Variants in PIK3C2G observed in about 807,000 individuals in gnomAD.
The protein encoded by PIK3C2G is phosphatidylinositol-4-phosphate 3-kinase catalytic subunit type 2 gamma, also known as phosphatidylinositol 3-kinase C2 domain-containing subunit gamma.
PIK3C2G carries 168 observed loss-of-function variants against 181.1 expected under a neutral mutation model. The ratio of observed to expected loss-of-function variants is 0.93; its 90% CI spans 0.82 to 1.05. The LOEUF (loss-of-function observed/expected upper bound fraction) is 1.05. PIK3C2G is among the 50% of genes least tolerant of loss of function. The probability of loss-of-function intolerance (pLI) is 0.00; values close to 1 mark genes in which losing one functional copy is unlikely to be tolerated. For missense variants in PIK3C2G, 1,869 were observed against 1,732.8 expected, an observed-to-expected ratio of 1.08 and a Z score of -1.40; for synonymous variants, 573 against 592.2, an observed-to-expected ratio of 0.97 and a Z score of 0.47.
intron 26 of PIK3C2G, among the ~76,000 whole-genome samples, chr12:18,548,772 T>A (rs531354124): frequency 6.6e-6 from 1 of 152,182 alleles, no homozygotes; most frequent in Admixed American, 6.5e-5. Flanking sequence ...TTAAAAGGCA[T>A]CAAATTATGG....
At chr12:18,271,246 G>C (rs185629141) in intron 1 of PIK3C2G, among the ~76,000 whole-genome samples, 2 of 152,060 alleles carry the variant, frequency 1.3e-5, no homozygotes, top group Admixed American at 6.6e-5. Flanking sequence ...GACCTCCTCT[G>C]ACCTTGTTCC....
intron 1 of PIK3C2G, among the ~76,000 whole-genome samples, chr12:18,269,110 C>T (rs767290504): frequency 1.1e-4 from 16 of 151,858 alleles, no homozygotes; most frequent in Non-Finnish European, 2.2e-4. Context: ...GGGATTTTGT[C>T]GTGTTGGCCA....
At chr12:18,272,624 T>G (rs61914501) in intron 1 of PIK3C2G, among the ~76,000 whole-genome samples, 11,094 of 152,260 alleles carry the variant, frequency 0.073, 493 homozygotes, top group Non-Finnish European at 0.11. Flanking sequence ...TTGTACACTT[T>G]ATTAACCCTG....
At chr12:18,255,322 T>C (rs1442788195) in intron 1 of PIK3C2G, among the ~76,000 whole-genome samples, 6 of 152,192 alleles carry the variant, frequency 3.9e-5, no homozygotes, top group Admixed American at 3.9e-4. Flanking sequence ...TTCTATTTTC[T>C]ATAAGTAACT....
chr12:18,423,878 G>A, intron 17 of PIK3C2G, 67 bp from the exon 18 acceptor site: 1 of 909,080 alleles, frequency 1.1e-6, no homozygotes, highest in Non-Finnish European at 1.8e-6. Flanking sequence ...TCAAGCCTCT[G>A]AAGTCCCTCT....
At chr12:18,405,373 G>C (rs1313053142) in intron 16 of PIK3C2G, among the ~76,000 whole-genome samples, 1 of 151,310 alleles carries the variant, frequency 6.6e-6, no homozygotes, top group East Asian at 2.0e-4. Flanking sequence ...GCCAGAGATG[G>C]AACTCTGGAG....
chr12:18,706,282 C>T, the PIK3C2G span, among the ~76,000 whole-genome samples: 1 of 151,304 alleles, frequency 6.6e-6, no homozygotes, highest in East Asian at 1.9e-4. Flanking sequence ...ATCTATACTG[C>T]TATAGAAAGT....
chr12:18,427,244 G>A (rs1200619654), intron 18 of PIK3C2G, among the ~76,000 whole-genome samples: 1 of 151,578 alleles, frequency 6.6e-6, no homozygotes, highest in Non-Finnish European at 1.5e-5. Context: ...GGTGGCTCAC[G>A]TCTGTAATCC....
chr12:18,403,146 G>A (rs908364832), intron 16 of PIK3C2G, among the ~76,000 whole-genome samples: 3 of 152,200 alleles, frequency 2.0e-5, no homozygotes, highest in Middle Eastern at 3.4e-3. Context: ...AGCACTTAGC[G>A]ATCTCGGTCA....
intron 1 of PIK3C2G, among the ~76,000 whole-genome samples, chr12:18,264,402 T>G (rs539206476): frequency 6.6e-6 from 1 of 152,320 alleles, no homozygotes; most frequent in South Asian, 2.1e-4. Context: ...TGGGATAATT[T>G]TCCTTCTACT....
At chr12:18,558,321 A>G (rs553315006) in intron 26 of PIK3C2G, among the ~76,000 whole-genome samples, 10 of 152,212 alleles carry the variant, frequency 6.6e-5, no homozygotes, top group Non-Finnish European at 1.3e-4. Flanking sequence ...CCATATAGCC[A>G]TTTAAAAATA....
chr12:18,268,455 T>C (rs888351432), intron 1 of PIK3C2G, among the ~76,000 whole-genome samples: 1 of 152,050 alleles, frequency 6.6e-6, no homozygotes, highest in Non-Finnish European at 1.5e-5. Context: ...GAAACCACAG[T>C]CTATTTGACC....
At chr12:18,532,469 T>C (rs1284136972) in intron 24 of PIK3C2G, among the ~76,000 whole-genome samples, 2 of 152,332 alleles carry the variant, frequency 1.3e-5, no homozygotes, top group Non-Finnish European at 2.9e-5. Context: ...TATTTAAGTC[T>C]GTGAACCATT....
At chr12:18,587,833 G>A (rs1946872200) in intron 29 of PIK3C2G, among the ~76,000 whole-genome samples, 1 of 151,670 alleles carries the variant, frequency 6.6e-6, no homozygotes, top group African/African-American at 2.4e-5. Flanking sequence ...GAGGCATCAT[G>A]TTACCCAACT....
At chr12:18,610,005 T>C (rs969346202) in intron 31 of PIK3C2G, among the ~76,000 whole-genome samples, 13 of 152,106 alleles carry the variant, frequency 8.5e-5, no homozygotes, top group African/African-American at 3.1e-4. Flanking sequence ...ACCCCATCTT[T>C]GTTTCCGTTT....
At position 18,538,303 on chromosome 12, in the gene PIK3C2G, G is replaced by T. The variant is rs1413167449; in HGVS notation, c.3471G>T (p.Leu1157=). The T allele has an allele frequency of 6.3e-7, 1 of 1,598,978 alleles. No homozygotes were observed. The highest frequency in any genetic ancestry group is 8.5e-7 in the Non-Finnish European group (1 of 1,174,696). The stretch of plus-strand genomic sequence containing the variant: ...AGCACAGCCAACTGCTCTTGAACCT[G>T]CTGGAAATGGTAAGTCCCTTGGGAA... ...IRKHSQLLLN[L]LEMMLYAGLP... is the part of the protein sequence containing the mutation. The change falls in exon 25 of 33, where the codon CTG becomes CTT. Residue 1157 remains leucine (L), a synonymous_variant. Transcript: ENST00000538779.
the PIK3C2G span, among the ~76,000 whole-genome samples, chr12:18,663,713 A>G: frequency 1.3e-5 from 2 of 152,156 alleles, no homozygotes; most frequent in East Asian, 1.9e-4. Context: ...CATGACACCA[A>G]AGACACAAAC....
At chr12:18,462,250 C>G (rs138949003) in intron 18 of PIK3C2G, among the ~76,000 whole-genome samples, 68 of 152,236 alleles carry the variant, frequency 4.5e-4, no homozygotes, top group African/African-American at 1.5e-3. Flanking sequence ...GTTAGCTAAT[C>G]CTTACAAACG....
At chr12:18,708,894 A>G in the PIK3C2G span, among the ~76,000 whole-genome samples, 1 of 152,158 alleles carries the variant, frequency 6.6e-6, no homozygotes, top group Non-Finnish European at 1.5e-5. Context: ...AATTCTTCAT[A>G]AATTTTGGAT....
Sources: allele counts gnomAD v4.1 joint callset (sites outside exome capture counted in the v4.1 genomes callset), GRCh38; gene constraint gnomAD v4.1.1; transcripts MANE v1.5; gene names NCBI Gene and HGNC (gene_info 2026-07-23, HGNC 2026-07-21).